The following MAPKAPK2 variants were observed in gnomAD, a reference collection of about 807,000 sequenced individuals.
MAPKAPK2 encodes the protein MAPK activated protein kinase 2.
Under a neutral mutation model 48.8 loss-of-function variants are expected in MAPKAPK2, and 9 were observed. The observed-to-expected ratio is 0.18, with a 90% confidence interval of 0.11 to 0.32. The LOEUF is 0.32. MAPKAPK2 is among the 10% of genes least tolerant of loss of function. The pLI is 1.00. For synonymous variants in MAPKAPK2, 202 were observed against 190.6 expected, an observed-to-expected ratio of 1.06 and a Z score of -0.49; for missense variants, 331 against 498.3, an observed-to-expected ratio of 0.66 and a Z score of 3.20.
At chr1:206,724,896 A>T (rs1673657294) in intron 1 of MAPKAPK2, among the ~76,000 whole-genome samples, 1 of 152,106 alleles carries the variant, frequency 6.6e-6, no homozygotes, top group South Asian at 2.1e-4. Flanking sequence ...CAAAATGGTA[A>T]ATTTTTTCAA....
chr1:206,716,514 A>G (rs1553430410), intron 1 of MAPKAPK2, among the ~76,000 whole-genome samples: 2 of 151,670 alleles, frequency 1.3e-5, no homozygotes, highest in African/African-American at 4.9e-5. Context: ...CGCCCTCTTG[A>G]TTTGTAGGAT....
Position 206,732,676 on chromosome 1 carries a change from G to A in MAPKAPK2, c.1161G>A (p.Arg387=). 1.2e-6 allele frequency: 2 copies of A among 1,614,224 alleles called. No homozygotes were observed. Among genetic ancestry groups the A allele is most frequent in the Non-Finnish European group, 1.7e-6 (2 of 1,180,034 alleles). ...CCAACCCTCTGCTGCTGAAGAGGCGGAAGAAAGCTCGGGCCCTGGAGGCTG... is the reference window on the plus strand; with the variant it reads ...CCAACCCTCTGCTGCTGAAGAGGCGAAAGAAAGCTCGGGCCCTGGAGGCTG... The part of the protein sequence containing the change: ...DASNPLLLKR[R]KKARALEAAA... Residue 387 remains arginine, a synonymous_variant, in exon 10 of 10, where the codon CGG becomes CGA. Transcript: ENST00000367103. This position sits in a 1 kb window ranked among gnomAD's most constrained non-coding sequence, Gnocchi z 4.4.
chr1:206,704,137 T>C lies in MAPKAPK2; in HGVS notation c.279+18629T>C, dbSNP rs1361339091. 1.3e-5 allele frequency among the ~76,000 whole-genome samples: 2 copies of C among 152,232 alleles called. No individual in the cohort carries two copies. Among genetic ancestry groups the C allele is most frequent in the East Asian group, 3.8e-4 (2 of 5,200 alleles). On this transcript the variant is annotated intron_variant, in intron 1 of 9. Transcript: ENST00000367103. This position sits in a 1 kb window ranked among gnomAD's most constrained non-coding sequence, Gnocchi z 4.3. ...CAATCCAAAGTGAGGGTCTATCTGA[T>C]AGTTTTTCCTGGAGTTGGGGAGGGG...
At position 206,685,513 on chromosome 1, in the gene MAPKAPK2, G is replaced by A; in HGVS notation, c.279+5G>A. 6.6e-7 allele frequency: 1 copy of A among 1,509,726 alleles called. No individual in the cohort carries two copies. The highest frequency in any genetic ancestry group is 8.9e-7 in the Non-Finnish European group (1 of 1,123,268). The allele number at this position is 1,509,726 out of a possible 1,614,324, so 93.5% of individuals were successfully genotyped here. A position where few individuals can be genotyped will look rare whatever the true frequency, so the allele number is the denominator to read the frequency against. On this transcript the variant is annotated splice_donor_5th_base_variant and intron_variant, in intron 1 of 9. Coordinates refer to ENST00000367103, the MANE Select transcript of MAPKAPK2 (RefSeq NM_032960.4). ...CAGGAGAAATTCGCCCTCAAAGTAG[G>A]TCTGGGGCCCGGGGAGGGGAGGCGG...
chr1:206,711,607 C>CTTTTTTTTTT (rs781793889), intron 1 of MAPKAPK2, among the ~76,000 whole-genome samples: 43 of 115,496 alleles, frequency 3.7e-4, no homozygotes, highest in East Asian at 7.9e-4. Context: ...CTACCTCATT[C>CTTTTTTTTTT]TTTTTTTTTT....
chr1:206,708,540 A>G (rs573284706), intron 1 of MAPKAPK2, among the ~76,000 whole-genome samples: 1 of 152,354 alleles, frequency 6.6e-6, no homozygotes, highest in South Asian at 2.1e-4. Flanking sequence ...TGCAGACATC[A>G]ATGTACTTTA....
chr1:206,695,294 G>A (rs1553426831), intron 1 of MAPKAPK2, among the ~76,000 whole-genome samples: 5 of 152,110 alleles, frequency 3.3e-5, no homozygotes, highest in Admixed American at 6.5e-5. Context: ...TGGAAGGAAG[G>A]TCTTGCCCCC....
At chr1:206,724,246 C>T (rs1422964046) in intron 1 of MAPKAPK2, among the ~76,000 whole-genome samples, 3 of 152,238 alleles carry the variant, frequency 2.0e-5, no homozygotes, top group Admixed American at 6.5e-5. Context: ...TGGCCTCTGG[C>T]AGTGCCCTAG....
chr1:206,691,934 T>G (rs1672473850), intron 1 of MAPKAPK2, among the ~76,000 whole-genome samples: 1 of 152,254 alleles, frequency 6.6e-6, no homozygotes, highest in African/African-American at 2.4e-5. Context: ...AAGTGTTCTA[T>G]GCTGGTGACT....
At position 206,704,850 on chromosome 1, in the gene MAPKAPK2, G is replaced by GCTAT. The variant is rs1218313288; in HGVS notation, c.279+19343_279+19346dup. 3.9e-5 allele frequency among the ~76,000 whole-genome samples: 6 copies of GCTAT among 152,182 alleles called. No individual in the cohort carries two copies. Among genetic ancestry groups the GCTAT allele is most frequent in the African/African-American group, 7.2e-5 (3 of 41,432 alleles). ...CTTGTGTACTCCAAGTGGTAGGAGA[G>GCTAT]CTATGTTCAGGGAACTGGGTGAACT... On this transcript the variant is annotated intron_variant, in intron 1 of 9. Coordinates refer to ENST00000367103, the MANE Select transcript of MAPKAPK2 (RefSeq NM_032960.4). The surrounding 1 kb of genome is among the most constrained non-coding windows in gnomAD (Gnocchi z 4.3).
chr1:206,728,431 T>C lies in MAPKAPK2; in HGVS notation c.280-279T>C, dbSNP rs907069797. On this transcript the variant is annotated intron_variant, in intron 1 of 9. Transcript: ENST00000367103. ...GCTGCCTGCCTTCCACAGTAGACTT[T>C]ATGGCCTAAGCTGGAGACAGGTCTA... is the stretch of plus-strand genomic sequence containing the variant. Among the ~76,000 whole-genome samples, 10 of 152,264 alleles carry C rather than the reference T, an allele frequency of 6.6e-5. No individual in the cohort carries two copies. The East Asian group carries it at 1.5e-3, about 24-fold the overall frequency.
chr1:206,697,110 A>G (rs1165511776), intron 1 of MAPKAPK2, among the ~76,000 whole-genome samples: 2 of 152,126 alleles, frequency 1.3e-5, no homozygotes, highest in Non-Finnish European at 2.9e-5. Context: ...TCCCTGTTCC[A>G]AGGCCCCTCC....
At chr1:206,701,030 A>AGCT (rs1672777782) in intron 1 of MAPKAPK2, among the ~76,000 whole-genome samples, 1 of 152,212 alleles carries the variant, frequency 6.6e-6, no homozygotes, top group African/African-American at 2.4e-5. Flanking sequence ...CCTCTGGTAC[A>AGCT]GCTGCTGCAG....
intron 1 of MAPKAPK2, among the ~76,000 whole-genome samples, chr1:206,702,611 A>G (rs905978619): frequency 5.9e-5 from 9 of 152,214 alleles, no homozygotes; most frequent in African/African-American, 2.2e-4. Context: ...GGTTTTCTTC[A>G]GAGACATTGA....
At chr1:206,717,650 G>A (rs1339153152) in intron 1 of MAPKAPK2, among the ~76,000 whole-genome samples, 11 of 152,162 alleles carry the variant, frequency 7.2e-5, no homozygotes, top group African/African-American at 2.7e-4. Context: ...TCTTCCTCCT[G>A]TGGCCAGTGT....
At chr1:206,711,835 T>C (rs782629347) in intron 1 of MAPKAPK2, among the ~76,000 whole-genome samples, 1 of 150,634 alleles carries the variant, frequency 6.6e-6, no homozygotes, top group Non-Finnish European at 1.5e-5. Context: ...GTTGCCCAGG[T>C]TGGTCTCAAA....
At chr1:206,706,704 C>T (rs972496212) in intron 1 of MAPKAPK2, among the ~76,000 whole-genome samples, 2 of 152,198 alleles carry the variant, frequency 1.3e-5, no homozygotes, top group East Asian at 1.9e-4. Flanking sequence ...GCTGGGAAGA[C>T]GTTCAGGCCA....
chr1:206,698,438 A>G (rs1176273469), intron 1 of MAPKAPK2, among the ~76,000 whole-genome samples: 1 of 152,220 alleles, frequency 6.6e-6, no homozygotes, highest in Non-Finnish European at 1.5e-5. Context: ...TTACTACTCA[A>G]GAAAATTAAT....
intron 1 of MAPKAPK2, among the ~76,000 whole-genome samples, chr1:206,687,196 T>C (rs1672312523): frequency 6.6e-6 from 1 of 152,244 alleles, no homozygotes; most frequent in African/African-American, 2.4e-5. Flanking sequence ...TTTGGAATAT[T>C]ATGTAAAGAC....
Sources: gnomAD v4.1 joint callset for allele counts (sites outside exome capture counted in the v4.1 genomes callset) on GRCh38, gnomAD v4.1.1 for gene constraint, Gnocchi (gnomAD v3.1) non-coding constraint, MANE v1.5 for transcripts, NCBI Gene and HGNC (gene_info 2026-07-23, HGNC 2026-07-21) for gene names.